Variants in ZNF410 observed in about 807,000 individuals in gnomAD.
The protein encoded by ZNF410 is another partner for ARF 1.
ZNF410 carries 18 observed loss-of-function variants against 54.8 expected under a neutral mutation model. The observed-to-expected ratio is 0.33, with a 90% confidence interval of 0.23 to 0.49. ZNF410 has a LOEUF of 0.49. ZNF410 is among the 20% of genes least tolerant of loss of function. The pLI, the probability that ZNF410 is intolerant of heterozygous loss-of-function variation, is 0.99. For missense variants in ZNF410, 405 were observed against 569.6 expected (o/e 0.71, Z 2.94); for synonymous variants, 191 against 207.3 (o/e 0.92, Z 0.68).
chr14:73,908,003 C>G (rs1402181466), intron 7 of ZNF410, among the ~76,000 whole-genome samples: 2 of 152,006 alleles, frequency 1.3e-5, no homozygotes, highest in African/African-American at 4.8e-5. Context: ...ATCCTCAAAA[C>G]ACTCTTTTGA....
intron 11 of ZNF410, among the ~76,000 whole-genome samples, chr14:73,923,735 C>T (rs1351910963): frequency 2.0e-5 from 3 of 152,172 alleles, no homozygotes; most frequent in Admixed American, 2.0e-4. Flanking sequence ...GGACTCCCGG[C>T]TTTAAAGTTC....
chr14:73,930,062 A>G (rs2055889016), intron 11 of ZNF410, among the ~76,000 whole-genome samples: 1 of 152,204 alleles, frequency 6.6e-6, no homozygotes, highest in South Asian at 2.1e-4. Flanking sequence ...GAACCAGTAT[A>G]AGAGATTCCC....
chr14:73,905,351 A>C, intron 7 of ZNF410: 1 of 331,556 alleles, frequency 3.0e-6, no homozygotes, highest in Non-Finnish European at 5.5e-6. Flanking sequence ...TCAGACAACA[A>C]TGATGTGGGG....
At chr14:73,894,434 T>C (rs766039457) in intron 3 of ZNF410, 1 of 700,978 alleles carries the variant, frequency 1.4e-6, no homozygotes, top group South Asian at 1.5e-5. Flanking sequence ...TTTTTTTTTT[T>C]TTTTTGAGAT....
intron 8 of ZNF410, among the ~76,000 whole-genome samples, chr14:73,917,668 C>T (rs1244927784): frequency 1.3e-5 from 2 of 151,940 alleles, no homozygotes; most frequent in Non-Finnish European, 2.9e-5. Flanking sequence ...ACTAAAAATA[C>T]AAAAATTAGC....
In ZNF410 at chr14:73,931,935, C is replaced by CT. The variant is rs752233354; in HGVS notation, c.*395dup. On this transcript the variant is annotated 3_prime_UTR_variant, in exon 12 of 12. Transcript: ENST00000555044. ...TTTCACATGGATGAAATAATTCCTG[C>CT]TACCAACAACAGAGCTTCACCAGGA... 3 of 456,848 alleles carry CT rather than the reference C, an allele frequency of 6.6e-6. No homozygotes were observed. The East Asian group carries it at 2.1e-4, about 32-fold the overall frequency. The allele number at this position is 456,848 out of a possible 1,614,324, so 28.3% of individuals were successfully genotyped here.
intron 7 of ZNF410, 72 bp downstream of exon 7, chr14:73,905,155 G>T: frequency 6.7e-7 from 1 of 1,487,058 alleles, no homozygotes; most frequent in Non-Finnish European, 9.1e-7. Flanking sequence ...CCTTAGGAAA[G>T]ACTCAAGTGG....
chr14:73,895,533 A>G (rs1409441268), intron 3 of ZNF410: 5 of 133,662 alleles, frequency 3.7e-5, no homozygotes, highest in African/African-American at 1.0e-4. Flanking sequence ...TCAACTAATG[A>G]ATGCATTTAA....
chr14:73,904,428 T>G (rs910683302), intron 6 of ZNF410, among the ~76,000 whole-genome samples: 8 of 151,990 alleles, frequency 5.3e-5, no homozygotes, highest in African/African-American at 1.7e-4. Flanking sequence ...ATGAGATCAG[T>G]TTAAGGGGTG....
chr14:73,920,062 T>C (rs866644862), intron 8 of ZNF410: 1 of 152,098 alleles, frequency 6.6e-6, no homozygotes, highest in Non-Finnish European at 1.5e-5. Context: ...GCTGTAATTT[T>C]GGGACATATT....
intron 1 of ZNF410, among the ~76,000 whole-genome samples, chr14:73,888,643 T>C (rs1028636705): frequency 6.6e-6 from 1 of 152,222 alleles, no homozygotes; most frequent in Non-Finnish European, 1.5e-5. Context: ...TTAGTGAAAC[T>C]AATTTTTAAA....
intron 11 of ZNF410, among the ~76,000 whole-genome samples, chr14:73,930,213 T>G (rs1005051333): frequency 4.6e-5 from 7 of 152,238 alleles, no homozygotes; most frequent in Non-Finnish European, 1.0e-4. Flanking sequence ...AAAAACACAC[T>G]ATTCTTAACT....
Position 73,893,832 on chromosome 14 carries a change from A to G in ZNF410, c.69A>G (p.Pro23=). ...LVQFVQNTSI[P]LGQGLVESEA... ...AGTTTGTTCAGAATACGTCCATCCC[A>G]TTGGGACAGGGGCTTGTAGAATCAG... is the stretch of plus-strand genomic sequence containing the variant. Residue 23 remains proline, a synonymous_variant, in exon 3 of 12, where the codon CCA becomes CCG. Coordinates refer to ENST00000555044, the MANE Select transcript of ZNF410 (RefSeq NM_021188.3). 6.2e-7 allele frequency: 1 copy of G among 1,613,748 alleles called. No homozygotes were observed. Among genetic ancestry groups the G allele is most frequent in the Non-Finnish European group, 8.5e-7 (1 of 1,179,916 alleles).
chr14:73,924,871 G>T (rs986628068), intron 11 of ZNF410: 8 of 329,004 alleles, frequency 2.4e-5, no homozygotes, highest in Non-Finnish European at 4.7e-5. Flanking sequence ...TAGAGACAGG[G>T]TTTCACCATG....
chr14:73,905,352 T>C (rs1240974995), intron 7 of ZNF410: 5 of 329,130 alleles, frequency 1.5e-5, no homozygotes, highest in Non-Finnish European at 2.8e-5. Context: ...CAGACAACAA[T>C]GATGTGGGGA....
chr14:73,897,913 A>G (rs1444581339), intron 4 of ZNF410, among the ~76,000 whole-genome samples, 158 bp from the exon 5 acceptor site: 4 of 146,912 alleles, frequency 2.7e-5, no homozygotes, highest in Non-Finnish European at 6.0e-5. Flanking sequence ...CGGAGGTTGC[A>G]GTAAGCCGAG....
At chr14:73,926,681 C>T (rs185132426) in intron 11 of ZNF410, among the ~76,000 whole-genome samples, 6 of 152,242 alleles carry the variant, frequency 3.9e-5, no homozygotes, top group Admixed American at 6.5e-5. Context: ...GTGATCCACC[C>T]ACCTCGGCCT....
In ZNF410 at chr14:73,912,427, G is replaced by T. The variant is rs1207677253; in HGVS notation, c.1003+2997G>T. 2.6e-5 allele frequency among the ~76,000 whole-genome samples: 4 copies of T among 152,038 alleles called. No individual in the cohort carries two copies. The East Asian group carries it at 7.7e-4, about 29-fold the overall frequency. On this transcript the variant is annotated intron_variant, in intron 8 of 11. Transcript: ENST00000555044. Reference sequence around the variant, plus strand: ...AGTGCTCTGCCTGCCTTGGCCTCCCGAAGTGCTGGGATTACAGGCACGTGC... The same window carrying T: ...AGTGCTCTGCCTGCCTTGGCCTCCCTAAGTGCTGGGATTACAGGCACGTGC...
intron 7 of ZNF410, among the ~76,000 whole-genome samples, chr14:73,907,910 A>T (rs1189680203): frequency 6.6e-6 from 1 of 151,784 alleles, no homozygotes; most frequent in Non-Finnish European, 1.5e-5. Flanking sequence ...AAAAAAAAAA[A>T]GTAAATCTGT....
Sources: allele counts gnomAD v4.1 joint callset (sites outside exome capture counted in the v4.1 genomes callset), GRCh38; gene constraint gnomAD v4.1.1; transcripts MANE v1.5; gene names NCBI Gene and HGNC (gene_info 2026-07-23, HGNC 2026-07-21).